Variants in ZNF695 observed in about 807,000 individuals in gnomAD.
ZNF695 encodes zinc finger protein 695, also known as zinc finger protein SBZF3.
A neutral mutation model predicts 11.2 loss-of-function variants in ZNF695; 11 were observed. That is an observed-to-expected ratio of 0.98 (90% CI 0.62 to 1.62). The LOEUF is 1.62. Among genes scored for constraint, ZNF695 ranks in the 40% most tolerant of loss-of-function variants. The pLI is 0.00. For synonymous variants in ZNF695, 190 were observed against 201.4 expected, an observed-to-expected ratio of 0.94 and a Z score of 0.48; for missense variants, 559 against 590.5, an observed-to-expected ratio of 0.95 and a Z score of 0.55.
At chr1:246,984,060 G>A (rs1452958824), downstream of ZNF695, among the ~76,000 whole-genome samples, 2 of 148,420 alleles carry the variant, frequency 1.3e-5, no homozygotes, top group African/African-American at 4.9e-5. Context: ...GCTGAGGTGG[G>A]ATGATTGCTT....
chr1:246,976,105 A>G (rs1281517031), intron 4 of ZNF695, among the ~76,000 whole-genome samples: 3 of 152,102 alleles, frequency 2.0e-5, no homozygotes, highest in Non-Finnish European at 4.4e-5. Context: ...ACGCTGAGGG[A>G]GAGGCAGGGA....
At chr1:246,966,214 C>T (rs569270923) in intron 5 of ZNF695, among the ~76,000 whole-genome samples, 2 of 152,116 alleles carry the variant, frequency 1.3e-5, no homozygotes, top group South Asian at 2.1e-4. Context: ...TGAGGTCGGG[C>T]GCGGTGGCTC....
At position 246,986,778 on chromosome 1, in the gene ZNF695, T is replaced by C; in HGVS notation, c.*189A>G. The C allele has an allele frequency of 7.4e-7, 1 of 1,346,812 alleles. No homozygotes were observed. The allele number at this position is 1,346,812 out of a possible 1,614,324, so 83.4% of individuals were successfully genotyped here. On this transcript the variant is annotated 3_prime_UTR_variant, in exon 4 of 4. Transcript: ENST00000339986. ...GTAAGAGCTGTGATATAAGTGGAGG[T>C]GTTGAACCGGTCTATTTGTATTGTT...
intron 4 of ZNF695, among the ~76,000 whole-genome samples, chr1:246,978,122 A>C (rs930050253): frequency 6.6e-6 from 1 of 152,210 alleles, no homozygotes; most frequent in Non-Finnish European, 1.5e-5. Flanking sequence ...CACAGGAGAC[A>C]TGATTGGGAG....
intron 1 of ZNF695, among the ~76,000 whole-genome samples, chr1:247,002,099 C>A (rs1043465873): frequency 4.2e-4 from 64 of 152,088 alleles, no homozygotes; most frequent in African/African-American, 1.5e-3. Context: ...AAAACAATTA[C>A]CAACAAATTA....
rs2642992 is a variant in ZNF695 at position 246,988,255 on chromosome 1, A to T, written c.260T>A (p.Val87Asp). Residue 87 changes from valine to aspartate, a missense_variant and splice_region_variant, in exon 4 of 4, where the codon GTT becomes GAT. Val to Asp is a radical substitution (Grantham distance 152, BLOSUM62 -3). Transcript: ENST00000339986. The stretch of plus-strand genomic sequence containing the variant: ...GTCTTCAGTAAGATAAGAAGACAAA[A>T]CTGGAAAAAATAAAAACAACAAATT... ...VNTEKTARHS[V>D]LSSYLTEDIL... 1 of 1,536,652 alleles carries T rather than the reference A, an allele frequency of 6.5e-7. No homozygotes were observed. Among genetic ancestry groups the T allele is most frequent in the Non-Finnish European group, 8.7e-7 (1 of 1,146,814 alleles).
At chr1:246,978,026 G>C (rs1668612679) in intron 4 of ZNF695, among the ~76,000 whole-genome samples, 1 of 152,184 alleles carries the variant, frequency 6.6e-6, no homozygotes, top group South Asian at 2.1e-4. Context: ...AGGCCAACCT[G>C]TTCAGGCACT....
rs551961958 is a variant in ZNF695, at chr1:246,971,861, T to C, written c.391-4069A>G. Among the ~76,000 whole-genome samples the C allele has an allele frequency of 2.6e-4, 39 of 152,208 alleles. 2 individuals carry two copies. Among genetic ancestry groups the C allele is most frequent in the African/African-American group, 8.7e-4 (36 of 41,538 alleles). ...CACCTGGGTGGCTTCCCGCCCACAG[T>C]GCACCACCACACCCGGCTAATTTTT... On this transcript the variant is annotated intron_variant, in intron 4 of 5. Transcript: ENST00000487338.
downstream of ZNF695, among the ~76,000 whole-genome samples, chr1:246,981,578 T>A (rs910736333): frequency 6.6e-6 from 1 of 152,216 alleles, no homozygotes; most frequent in African/African-American, 2.4e-5. Context: ...TAGTCCGTCA[T>A]CAGTACAGGA....
intron 3 of ZNF695, 37 bp downstream of exon 3, chr1:246,999,311 A>AC (rs3833603): frequency 6.5e-7 from 1 of 1,527,394 alleles, no homozygotes; most frequent in Non-Finnish European, 9.1e-7. Context: ...TGATCCTTCA[A>AC]CCCCTACCTG....
At chr1:246,958,127 C>T (rs1040402499) in intron 5 of ZNF695, among the ~76,000 whole-genome samples, 51 of 151,584 alleles carry the variant, frequency 3.4e-4, no homozygotes, top group Admixed American at 2.5e-3. Flanking sequence ...GGCGCGATCT[C>T]GGCTCACTGC....
intron 1 of ZNF695, among the ~76,000 whole-genome samples, chr1:247,002,652 G>C (rs916517579): frequency 7.2e-5 from 11 of 152,126 alleles, no homozygotes; most frequent in Non-Finnish European, 1.3e-4. Context: ...TGGGTGTGGT[G>C]GTGCATGCCT....
intron 4 of ZNF695, among the ~76,000 whole-genome samples, chr1:246,970,530 C>T (rs568095542): frequency 5.9e-5 from 9 of 152,176 alleles, no homozygotes; most frequent in Non-Finnish European, 1.2e-4. Context: ...AATCTGCATA[C>T]GAGTCCCCTT....
intron 3 of ZNF695, among the ~76,000 whole-genome samples, chr1:246,997,339 C>T (rs748288522): frequency 3.3e-5 from 5 of 152,014 alleles, no homozygotes; most frequent in Non-Finnish European, 7.4e-5. Context: ...CCCATCTCTA[C>T]TAAAAATACA....
intron 5 of ZNF695, among the ~76,000 whole-genome samples, chr1:246,957,896 GT>G (rs1668041118): frequency 6.6e-6 from 1 of 151,918 alleles, no homozygotes; most frequent in African/African-American, 2.4e-5. Flanking sequence ...ACCCAGCCTT[GT>G]ATTTTCTAAA....
At position 246,988,159 on chromosome 1, in the gene ZNF695, A is replaced by G. The variant is rs751903957; in HGVS notation, c.356T>C (p.Leu119Pro). 11 of 1,613,600 alleles carry G rather than the reference A, an allele frequency of 6.8e-6. No individual in the cohort carries two copies. Among genetic ancestry groups the G allele is most frequent in the Non-Finnish European group, 9.3e-6 (11 of 1,179,764 alleles). Residue 119 changes from leucine (L) to proline (P), a missense_variant, in exon 4 of 4, where the codon CTT becomes CCT. Leu to Pro is a moderately conservative substitution (Grantham distance 98, BLOSUM62 -3). Transcript: ENST00000339986. ...GTCATTCCTTAAGCGTAATTTCTCA[A>G]GACAACATCTTTCATATCTTCTCAG... is the stretch of plus-strand genomic sequence containing the variant. The part of the protein sequence containing the change: ...VMLRRYERCC[L>P]EKLRLRNDWE...
chr1:246,950,206 C>G (rs1372438216), intron 5 of ZNF695, among the ~76,000 whole-genome samples: 1 of 152,060 alleles, frequency 6.6e-6, no homozygotes, highest in Non-Finnish European at 1.5e-5. Flanking sequence ...TAATTCGTGA[C>G]CTTTTGGGAG....
intron 5 of ZNF695, among the ~76,000 whole-genome samples, chr1:246,950,645 C>T (rs1572501807): frequency 1.3e-5 from 1 of 79,676 alleles, no homozygotes; most frequent in African/African-American, 4.4e-5. Flanking sequence ...AGCGAAACTC[C>T]GTTTCAAAAA....
At chr1:246,973,344 C>T (rs556814392) in intron 4 of ZNF695, among the ~76,000 whole-genome samples, 30 of 152,266 alleles carry the variant, frequency 2.0e-4, no homozygotes, top group Admixed American at 5.2e-4. Flanking sequence ...CCACCGTGCC[C>T]GGCCGAACGT....
Sources: gnomAD v4.1 joint callset for allele counts (sites outside exome capture counted in the v4.1 genomes callset) on GRCh38, gnomAD v4.1.1 for gene constraint, MANE v1.5 for transcripts, NCBI Gene and HGNC (gene_info 2026-07-23, HGNC 2026-07-21) for gene names.